The following SCEL variants were observed in gnomAD, a reference collection of about 807,000 sequenced individuals.
SCEL encodes the protein sciellin.
In SCEL, 113 loss-of-function variants were observed where a neutral mutation model predicts 117.6. That is an observed-to-expected ratio of 0.96 (90% CI 0.83 to 1.12). The LOEUF is 1.12. Ranked by LOEUF, SCEL falls within the 50% of genes most tolerant of loss-of-function variation. SCEL has a pLI of 0.00. For synonymous variants in SCEL, 270 were observed against 256.2 expected (o/e 1.05, Z -0.51); for missense variants, 785 against 810.8 (o/e 0.97, Z 0.39).
chr13:77,557,595 G>A (rs2154395946), intron 3 of SCEL, among the ~76,000 whole-genome samples: 1 of 152,332 alleles, frequency 6.6e-6, no homozygotes, highest in South Asian at 2.1e-4. Flanking sequence ...TGGTAGAGTT[G>A]AGATTTTAAC....
At chr13:77,551,100 C>T (rs560282161) in intron 1 of SCEL, among the ~76,000 whole-genome samples, 8 of 152,296 alleles carry the variant, frequency 5.3e-5, no homozygotes, top group African/African-American at 1.2e-4. Context: ...CTGAGGAGGG[C>T]GTGGCTTGGT....
At position 77,572,145 on chromosome 13, in the gene SCEL, C is replaced by T. The variant is rs766688974; in HGVS notation, c.501C>T (p.Pro167=). 72 of 1,612,736 alleles carry T rather than the reference C, an allele frequency of 4.5e-5. No individual in the cohort carries two copies. In the East Asian group the frequency reaches 1.6e-3, roughly 35 times the overall value. Residue 167 remains proline, a synonymous_variant, in exon 9 of 33, where the codon CCC becomes CCT. Coordinates refer to ENST00000349847, the MANE Select transcript of SCEL (RefSeq NM_144777.3). ...KKKRQSWFPP[P]PPGYNASSST... is the part of the protein sequence containing the mutation. Reference sequence around the variant, plus strand: ...ACAGGCAGTCCTGGTTTCCACCGCCCCCTCCAGGTTACAATGCCTCCTCGA... The same window carrying T: ...ACAGGCAGTCCTGGTTTCCACCGCCTCCTCCAGGTTACAATGCCTCCTCGA...
chr13:77,608,088 C>A lies in SCEL; in HGVS notation c.1190C>A (p.Thr397Asn), dbSNP rs1195454622. 1 of 1,613,394 alleles carries A rather than the reference C, an allele frequency of 6.2e-7. No homozygotes were observed. Among genetic ancestry groups the A allele is most frequent in the Admixed American group, 1.7e-5 (1 of 59,964 alleles). Reference protein sequence around the residue: ...GQSLDNLIKVTPEVKRSNQGS... With the variant: ...GQSLDNLIKVNPEVKRSNQGS... Reference sequence around the variant, plus strand: ...AGCCTTGATAATCTCATCAAAGTGACCCCTGAAGTAAAGAGAAGTAACCAA... The same window carrying A: ...AGCCTTGATAATCTCATCAAAGTGAACCCTGAAGTAAAGAGAAGTAACCAA... The change falls in exon 20 of 33, where the codon ACC becomes AAC. Residue 397 changes from threonine (T) to asparagine (N), a missense_variant. Thr to Asn is a moderately conservative substitution (Grantham distance 65). Transcript: ENST00000349847.
chr13:77,612,571 T>C (rs4885472), intron 22 of SCEL, among the ~76,000 whole-genome samples: 139,791 of 149,944 alleles, frequency 0.93, 65,218 homozygotes, highest in South Asian at 0.96. Context: ...TTTTCTCTCG[T>C]GCATTGTAAC....
chr13:77,608,156 T>C, intron 20 of SCEL, 41 bp downstream of exon 20: 1 of 1,482,008 alleles, frequency 6.7e-7, no homozygotes, highest in Non-Finnish European at 9.3e-7. Context: ...CCCTTCCCCA[T>C]CCATTTGTGG....
intron 4 of SCEL, 109 bp downstream of exon 4, chr13:77,559,972 C>A: frequency 1.1e-6 from 1 of 923,170 alleles, no homozygotes; most frequent in Non-Finnish European, 1.7e-6. Context: ...GGGCTTTCCC[C>A]GATGTTCTGG....
intron 27 of SCEL, among the ~76,000 whole-genome samples, chr13:77,618,364 T>C (rs2089218863): frequency 6.6e-6 from 1 of 152,040 alleles, no homozygotes; most frequent in African/African-American, 2.4e-5. Context: ...AAAATTTTTT[T>C]TAGAGATGGG....
rs561676073 is a variant in SCEL at position 77,550,942 on chromosome 13, C to A, written c.-19-4915C>A. Among the ~76,000 whole-genome samples, 4 of 152,288 alleles carry A rather than the reference C, an allele frequency of 2.6e-5. No individual in the cohort carries two copies. In the South Asian group the frequency reaches 6.2e-4, roughly 24 times the overall value. On this transcript the variant is annotated intron_variant, in intron 1 of 32. Transcript: ENST00000349847. Reference sequence around the variant, plus strand: ...GTTCATTGAGAGGCTGCCCTGGTACCAAGCACTTGACCAGAGCTCATGGGA... The same window carrying A: ...GTTCATTGAGAGGCTGCCCTGGTACAAAGCACTTGACCAGAGCTCATGGGA...
At chr13:77,634,662 T>G (rs2154406555) in intron 29 of SCEL, among the ~76,000 whole-genome samples, 1 of 152,324 alleles carries the variant, frequency 6.6e-6, no homozygotes, top group East Asian at 1.9e-4. Flanking sequence ...ATGAACTCAG[T>G]AATATTTTAG....
At position 77,602,089 on chromosome 13, in the gene SCEL, T is replaced by G. The variant is rs747608919; in HGVS notation, c.942T>G (p.Ile314Met). 1.2e-6 allele frequency: 2 copies of G among 1,611,252 alleles called. No individual in the cohort carries two copies. Among genetic ancestry groups the G allele is most frequent in the Non-Finnish European group, 1.7e-6 (2 of 1,178,940 alleles). The change falls in exon 16 of 33, where the codon ATT becomes ATG. Residue 314 changes from isoleucine to methionine, a missense_variant. Ile to Met is a conservative substitution (Grantham distance 10). Transcript: ENST00000349847. Reference protein sequence around the residue: ...GKGIQSLGSPIKVNQRTDKNE... With the variant: ...GKGIQSLGSPMKVNQRTDKNE... Reference sequence around the variant, plus strand: ...GAATCCAAAGCCTTGGAAGTCCGATTAAAGTTAATCAAAGGACTGACAAAA... The same window carrying G: ...GAATCCAAAGCCTTGGAAGTCCGATGAAAGTTAATCAAAGGACTGACAAAA...
chr13:77,595,602 C>A (rs976743427), intron 12 of SCEL, among the ~76,000 whole-genome samples: 1 of 152,024 alleles, frequency 6.6e-6, no homozygotes, highest in Admixed American at 6.6e-5. Context: ...AAGCCTGGGG[C>A]TAAAATTTAT....
chr13:77,603,575 C>A (rs1761227085), intron 18 of SCEL, among the ~76,000 whole-genome samples: 1 of 152,124 alleles, frequency 6.6e-6, no homozygotes. Context: ...GTGAGGACCT[C>A]CCACCACTTT....
intron 9 of SCEL, among the ~76,000 whole-genome samples, chr13:77,576,639 A>G (rs953152884): frequency 6.6e-6 from 1 of 152,162 alleles, no homozygotes; most frequent in Admixed American, 6.5e-5. Context: ...TGAAATCCAT[A>G]CTTCTTCATC....
intron 12 of SCEL, among the ~76,000 whole-genome samples, chr13:77,596,158 C>T (rs1012414649): frequency 2.8e-4 from 43 of 152,016 alleles, no homozygotes; most frequent in African/African-American, 9.9e-4. Context: ...CATGGTGAAA[C>T]CCCATCTCTA....
Position 77,642,746 on chromosome 13 carries a change from G to T in SCEL, c.1988G>T (p.Gly663Val), listed in dbSNP as rs748237672. ...CKQPLENLQA[G>V]DSIWIYRQTI... is the part of the protein sequence containing the mutation. ...CAGCCTTTGGAAAATCTACAAGCGG[G>T]TGATAGTATTTGGATTTATAGACAG... Residue 663 changes from glycine (G) to valine (V), a missense_variant, in exon 32 of 33, where the codon GGT (glycine) becomes GTT (valine). Transcript: ENST00000349847. The T allele has an allele frequency of 3.7e-6, 6 of 1,606,440 alleles. No homozygotes were observed. Among genetic ancestry groups the T allele is most frequent in the Non-Finnish European group, 5.1e-6 (6 of 1,176,024 alleles).
intron 23 of SCEL, 100 bp downstream of exon 23, chr13:77,613,041 T>A (rs2088779750): frequency 4.4e-6 from 3 of 674,780 alleles, no homozygotes; most frequent in Middle Eastern, 2.9e-4. Context: ...AAAGGGGACA[T>A]GAAAAAAAAT....
At chr13:77,556,485 C>A in intron 2 of SCEL, 111 bp from the exon 3 acceptor site, 1 of 844,600 alleles carries the variant, frequency 1.2e-6, no homozygotes, top group Non-Finnish European at 2.0e-6. Context: ...GACTTGCCAG[C>A]CCAGATTGAT....
intron 32 of SCEL, 147 bp downstream of exon 32, chr13:77,642,955 G>A (rs2090630172): frequency 4.2e-6 from 2 of 477,166 alleles, no homozygotes; most frequent in Non-Finnish European, 7.3e-6. Flanking sequence ...TACTATGGTA[G>A]TATTTTGTTT....
chr13:77,622,725 G>A (rs1305651039), intron 27 of SCEL, among the ~76,000 whole-genome samples: 1 of 152,078 alleles, frequency 6.6e-6, no homozygotes, highest in African/African-American at 2.4e-5. Context: ...AGCTGGGTGC[G>A]ATGGCATGCA....
Sources: gnomAD v4.1 joint callset for allele counts (sites outside exome capture counted in the v4.1 genomes callset) on GRCh38, gnomAD v4.1.1 for gene constraint, MANE v1.5 for transcripts, NCBI Gene and HGNC (gene_info 2026-07-23, HGNC 2026-07-21) for gene names.